Variants in NCK1 observed in about 807,000 individuals in gnomAD.
The protein encoded by NCK1 is SH2/SH3 adapter protein NCK1.
A neutral mutation model predicts 36.6 loss-of-function variants in NCK1; 19 were observed. The ratio of observed to expected loss-of-function variants is 0.52; its 90% confidence interval spans 0.36 to 0.76. The LOEUF is 0.76. NCK1 is among the 30% of genes least tolerant of loss of function. The pLI is 0.00. For missense variants in NCK1, 358 were observed against 445.6 expected (o/e 0.80, Z 1.77); for synonymous variants, 165 against 156.0 (o/e 1.06, Z -0.43).
At chr3:136,880,042 T>C (rs1247085391) in intron 1 of NCK1, among the ~76,000 whole-genome samples, 1 of 143,876 alleles carries the variant, frequency 7.0e-6, no homozygotes, top group Non-Finnish European at 1.5e-5. Context: ...CCCAGCACTT[T>C]GGGAGGCTGA....
At chr3:136,870,030 T>G (rs1437670842) in intron 1 of NCK1, among the ~76,000 whole-genome samples, 2 of 127,838 alleles carry the variant, frequency 1.6e-5, no homozygotes, top group African/African-American at 5.3e-5. Flanking sequence ...TCTCAAAAGT[T>G]TTTTTTTTTT....
chr3:136,890,580 T>A (rs1214474383), intron 1 of NCK1, among the ~76,000 whole-genome samples: 1 of 152,224 alleles, frequency 6.6e-6, no homozygotes, highest in Non-Finnish European at 1.5e-5. Context: ...TCATTCCTTT[T>A]TATTGCTGAA....
chr3:136,922,762 A>G (rs1185981263), intron 1 of NCK1, among the ~76,000 whole-genome samples: 2 of 152,234 alleles, frequency 1.3e-5, no homozygotes, highest in African/African-American at 4.8e-5. Context: ...TGAATACAGA[A>G]TTTAGCAGTA....
intron 1 of NCK1, among the ~76,000 whole-genome samples, chr3:136,875,577 G>A (rs2108072372): frequency 6.6e-6 from 1 of 152,272 alleles, no homozygotes; most frequent in South Asian, 2.1e-4. Flanking sequence ...TAATGGTAAA[G>A]GGATCAATTC....
At chr3:136,912,229 C>A (rs1380135322) in intron 1 of NCK1, among the ~76,000 whole-genome samples, 2 of 137,234 alleles carry the variant, frequency 1.5e-5, no homozygotes, top group Admixed American at 7.8e-5. Flanking sequence ...GTGGTGTGAT[C>A]TTGGCTCACT....
intron 1 of NCK1, among the ~76,000 whole-genome samples, chr3:136,902,196 T>G (rs1271417582): frequency 1.5e-4 from 16 of 107,128 alleles, no homozygotes; most frequent in African/African-American, 5.1e-4. Context: ...TTTTTTTTTT[T>G]TTTTTTGTTT....
chr3:136,902,493 C>T lies in NCK1; in HGVS notation c.-18-25491C>T, dbSNP rs1047958785. Among the ~76,000 whole-genome samples the T allele has an allele frequency of 5.3e-5, 8 of 152,148 alleles. No homozygotes were observed. In the Middle Eastern group the frequency reaches 9.5e-3, roughly 181 times the overall value. On this transcript the variant is annotated intron_variant, in intron 1 of 3. Coordinates refer to ENST00000481752, the MANE Select transcript of NCK1 (RefSeq NM_001291999.2). Reference sequence around the variant, plus strand: ...TACAGGCGCGAGCTATCCCACCTGGCCTATTATTCTTGATTTCTAGTTTTA... The same window carrying T: ...TACAGGCGCGAGCTATCCCACCTGGTCTATTATTCTTGATTTCTAGTTTTA...
intron 2 of NCK1, among the ~76,000 whole-genome samples, chr3:136,934,272 C>CTGTTCATAT (rs1940467639): frequency 6.6e-6 from 1 of 150,622 alleles, no homozygotes; most frequent in African/African-American, 2.4e-5. Context: ...TGGGGGTTTG[C>CTGTTCATAT]TGTTCATATT....
intron 1 of NCK1, among the ~76,000 whole-genome samples, chr3:136,878,297 T>G (rs1938831534): frequency 6.6e-6 from 1 of 152,002 alleles, no homozygotes; most frequent in Admixed American, 6.6e-5. Flanking sequence ...TAATCCCAGT[T>G]ACATGGGAGG....
At chr3:136,908,764 A>G (rs13099529) in intron 1 of NCK1, among the ~76,000 whole-genome samples, 38 of 152,378 alleles carry the variant, frequency 2.5e-4, no homozygotes, top group South Asian at 6.2e-4. Context: ...TTAAAAGTAG[A>G]CAGCTAATGG....
chr3:136,930,557 CA>C, intron 2 of NCK1: 1 of 1,468,070 alleles, frequency 6.8e-7, no homozygotes, highest in Non-Finnish European at 9.0e-7. Context: ...AATTTTTACT[CA>C]AAATGGATTG....
At chr3:136,897,467 T>C (rs1432264116) in intron 1 of NCK1, among the ~76,000 whole-genome samples, 2 of 152,240 alleles carry the variant, frequency 1.3e-5, no homozygotes, top group Admixed American at 1.3e-4. Flanking sequence ...TGCATTTCCT[T>C]AATGATTAGT....
chr3:136,885,905 A>G (rs1008112885), intron 1 of NCK1, among the ~76,000 whole-genome samples: 1 of 152,206 alleles, frequency 6.6e-6, no homozygotes, highest in African/African-American at 2.4e-5. Context: ...AAAAGCTTCC[A>G]TAGACATAAT....
chr3:136,900,698 A>G (rs1168973491), intron 1 of NCK1, among the ~76,000 whole-genome samples: 1 of 151,874 alleles, frequency 6.6e-6, no homozygotes, highest in South Asian at 2.1e-4. Context: ...CAGGTTTTGT[A>G]TGTTGATTTT....
intron 1 of NCK1, among the ~76,000 whole-genome samples, chr3:136,920,855 G>C (rs1940091126): frequency 6.6e-6 from 1 of 152,048 alleles, no homozygotes; most frequent in South Asian, 2.1e-4. Flanking sequence ...TATACTATAT[G>C]GGAATTAAAC....
intron 1 of NCK1, chr3:136,889,287 C>A: frequency 5.6e-6 from 1 of 177,756 alleles, no homozygotes. Context: ...AAGAATGAAG[C>A]CGCGGACCCT....
chr3:136,919,611 A>G (rs999320018), intron 1 of NCK1, among the ~76,000 whole-genome samples: 1 of 152,216 alleles, frequency 6.6e-6, no homozygotes, highest in African/African-American at 2.4e-5. Context: ...AATGCTAGAC[A>G]AAACACCTGA....
intron 1 of NCK1, among the ~76,000 whole-genome samples, chr3:136,864,567 A>G (rs1233440623): frequency 1.3e-5 from 2 of 150,234 alleles, no homozygotes; most frequent in Non-Finnish European, 3.0e-5. Flanking sequence ...CAGGCGGGGT[A>G]GTTCAAGCCT....
chr3:136,930,576 G>A lies in NCK1; in HGVS notation c.226+2349G>A, dbSNP rs1328192172. On this transcript the variant is annotated intron_variant, in intron 2 of 3. Coordinates refer to ENST00000481752, the MANE Select transcript of NCK1 (RefSeq NM_001291999.2). ...TTTACTCAAAATGGATTGGTTAAAC[G>A]TCTTTAAAGATTTTTTCAGTAAGTT... 6 of 1,488,292 alleles carry A rather than the reference G, an allele frequency of 4.0e-6. 1 individual carries two copies. The highest frequency in any genetic ancestry group is 2.6e-5 in the East Asian group (1 of 38,670). The allele number at this position is 1,488,292 out of a possible 1,614,324, so 92.2% of individuals were successfully genotyped here. A position where few individuals can be genotyped will look rare whatever the true frequency, so the allele number is the denominator to read the frequency against.
Sources: allele counts gnomAD v4.1 joint callset (sites outside exome capture counted in the v4.1 genomes callset), GRCh38; gene constraint gnomAD v4.1.1; transcripts MANE v1.5; gene names NCBI Gene and HGNC (gene_info 2026-07-23, HGNC 2026-07-21).